The following GMEB2 variants were observed in gnomAD, a reference collection of about 807,000 sequenced individuals.
The protein encoded by GMEB2 is glucocorticoid modulatory element binding protein 2.
In GMEB2, 7 loss-of-function variants were observed where a neutral mutation model predicts 45.7. The ratio of observed to expected loss-of-function variants is 0.15; its 90% CI spans 0.09 to 0.29. The LOEUF (loss-of-function observed/expected upper bound fraction) is 0.29, where lower values mean the gene tolerates loss of function less well. GMEB2 is among the 10% of genes least tolerant of loss of function. The pLI is 1.00. For synonymous variants in GMEB2, 322 were observed against 323.6 expected, an observed-to-expected ratio of 1.00 and a Z score of 0.05; for missense variants, 582 against 739.2, an observed-to-expected ratio of 0.79 and a Z score of 2.47.
In GMEB2 at chr20:63,588,642, TG is replaced by T. The variant is rs2083115484; in HGVS notation, c.*1446del. 1 of 397,800 alleles carries T rather than the reference TG, an allele frequency of 2.5e-6. No individual in the cohort carries two copies. The highest frequency in any genetic ancestry group is 2.1e-5 in the African/African-American group (1 of 48,646). 24.6% of individuals were successfully genotyped at this position (397,800 alleles called of 1,614,324 possible). On this transcript the variant is annotated 3_prime_UTR_variant, in exon 10 of 10. Coordinates refer to ENST00000370077, the MANE Select transcript of GMEB2 (RefSeq NM_012384.5). ...CAGAGGTGGGGTCTGGGCCGCTCAC[TG>T]GACGGACAGCCAGCCAGTTCCCTTC...
In GMEB2 at chr20:63,590,032, G is replaced by A; in HGVS notation, c.*57C>T. 1 of 1,449,282 alleles carries A rather than the reference G, an allele frequency of 6.9e-7. No homozygotes were observed. Among genetic ancestry groups the A allele is most frequent in the Non-Finnish European group, 9.1e-7 (1 of 1,096,828 alleles). 89.8% of individuals were successfully genotyped at this position (1,449,282 alleles called of 1,614,324 possible). ...CTGCGGCCTCTGCCCGCTCCCTGCT[G>A]CCGCGGCTGAGAGACAGCCAGCCCT... On this transcript the variant is annotated 3_prime_UTR_variant, in exon 10 of 10. Coordinates refer to ENST00000370077, the MANE Select transcript of GMEB2 (RefSeq NM_012384.5).
chr20:63,614,772 G>A (rs958782028), intron 2 of GMEB2, among the ~76,000 whole-genome samples: 6 of 152,156 alleles, frequency 3.9e-5, no homozygotes, highest in Middle Eastern at 3.4e-3. Flanking sequence ...TGGCGTAAGC[G>A]GTCTCTCTCT....
intron 2 of GMEB2, among the ~76,000 whole-genome samples, chr20:63,605,153 C>T (rs1181691906): frequency 2.6e-5 from 4 of 151,972 alleles, no homozygotes; most frequent in Middle Eastern, 3.4e-3. Context: ...GTAGGAGAAC[C>T]GCTTGAACCT....
Position 63,604,732 on chromosome 20 carries a change from C to T in GMEB2, c.229+11G>A, listed in dbSNP as rs566082842. The T allele has an allele frequency of 9.9e-6, 15 of 1,520,840 alleles. No individual in the cohort carries two copies. Among genetic ancestry groups the T allele is most frequent in the African/African-American group, 4.1e-5 (3 of 73,374 alleles). 94.2% of individuals were successfully genotyped at this position (1,520,840 alleles called of 1,614,324 possible). ...AAGAAGGCAGACTTCCCACCTAGGA[C>T]GGCTTCCTACCTAACACGGCTTCCT... is the stretch of plus-strand genomic sequence containing the variant. On this transcript the variant is annotated intron_variant, in intron 3 of 9. Transcript: ENST00000370077.
intron 1 of GMEB2, among the ~76,000 whole-genome samples, chr20:63,625,243 T>C (rs906210563): frequency 2.0e-5 from 3 of 151,814 alleles, no homozygotes; most frequent in Non-Finnish European, 2.9e-5. Context: ...TGGCAAAATC[T>C]TGGCTCACTG....
chr20:63,598,951 C>A (rs148426024), intron 4 of GMEB2, among the ~76,000 whole-genome samples: 2 of 152,312 alleles, frequency 1.3e-5, no homozygotes, highest in East Asian at 1.9e-4. Context: ...CACCTCCCTG[C>A]CCCTCCTAGG....
chr20:63,619,491 T>A lies in GMEB2; in HGVS notation c.-57-37A>T. 1 of 1,289,532 alleles carries A rather than the reference T, an allele frequency of 7.8e-7. No homozygotes were observed. Among genetic ancestry groups the A allele is most frequent in the Non-Finnish European group, 1.1e-6 (1 of 925,510 alleles). 79.9% of individuals were successfully genotyped at this position (1,289,532 alleles called of 1,614,324 possible). On this transcript the variant is annotated intron_variant, in intron 1 of 9. Coordinates refer to ENST00000370077, the MANE Select transcript of GMEB2 (RefSeq NM_012384.5). This position sits in a 1 kb window ranked among gnomAD's most constrained non-coding sequence, Gnocchi z 4.6. Reference sequence around the variant, plus strand: ...AAGGCAGGGCACAGGGATGGAGTCATCTCCACATCCACACAACATAGCACT... The same window carrying A: ...AAGGCAGGGCACAGGGATGGAGTCAACTCCACATCCACACAACATAGCACT...
chr20:63,610,488 T>C (rs573712498), intron 2 of GMEB2, among the ~76,000 whole-genome samples: 2 of 152,022 alleles, frequency 1.3e-5, no homozygotes, highest in African/African-American at 4.8e-5. Context: ...GCCATTGCAC[T>C]CCAGTCTGGG....
intron 4 of GMEB2, among the ~76,000 whole-genome samples, 179 bp from the exon 5 acceptor site, chr20:63,598,039 G>A (rs1339944031): frequency 2.0e-5 from 3 of 152,162 alleles, no homozygotes; most frequent in Non-Finnish European, 4.4e-5. Context: ...CCACAGGCAC[G>A]GTGGCTGCAG....
chr20:63,624,726 G>A (rs1366136891), intron 1 of GMEB2, among the ~76,000 whole-genome samples: 1 of 152,072 alleles, frequency 6.6e-6, no homozygotes, highest in Non-Finnish European at 1.5e-5. Context: ...TTCTTTTTTT[G>A]AGACGGAGTC....
intron 2 of GMEB2, among the ~76,000 whole-genome samples, chr20:63,609,886 C>G (rs1256071074): frequency 1.1e-3 from 152 of 136,934 alleles, no homozygotes; most frequent in African/African-American, 2.7e-3. Context: ...ACATGCCCCT[C>G]TGACCCACAC....
intron 1 of GMEB2, among the ~76,000 whole-genome samples, chr20:63,620,041 G>A (rs971486959): frequency 6.6e-6 from 1 of 152,140 alleles, no homozygotes; most frequent in Non-Finnish European, 1.5e-5. Context: ...TCCACCTCCT[G>A]GGTTCAAGTG....
intron 2 of GMEB2, among the ~76,000 whole-genome samples, chr20:63,612,658 T>C (rs80136947): frequency 6.6e-6 from 1 of 152,176 alleles, no homozygotes. Flanking sequence ...AGGCCCACTT[T>C]CCTCTGCAAC....
chr20:63,613,432 C>T (rs1015454079), intron 2 of GMEB2, among the ~76,000 whole-genome samples: 1 of 152,206 alleles, frequency 6.6e-6, no homozygotes, highest in Non-Finnish European at 1.5e-5. Flanking sequence ...TGCCACCAGC[C>T]GGCAAGACAC....
At position 63,619,476 on chromosome 20, in the gene GMEB2, A is replaced by G. The variant is rs1252079286; in HGVS notation, c.-57-22T>C. The G allele has an allele frequency of 1.1e-5, 16 of 1,457,150 alleles. No homozygotes were observed. In the Admixed American group the frequency reaches 2.8e-4, roughly 26 times the overall value. 90.3% of individuals were successfully genotyped at this position (1,457,150 alleles called of 1,614,324 possible). A position where few individuals can be genotyped will look rare whatever the true frequency, so the allele number is the denominator to read the frequency against. ...AGTCCTGGAGGAAGCAAGGCAGGGCACAGGGATGGAGTCATCTCCACATCC... is the reference window on the plus strand; with the variant it reads ...AGTCCTGGAGGAAGCAAGGCAGGGCGCAGGGATGGAGTCATCTCCACATCC... On this transcript the variant is annotated intron_variant, in intron 1 of 9. Coordinates refer to ENST00000370077, the MANE Select transcript of GMEB2 (RefSeq NM_012384.5). This position sits in a 1 kb window ranked among gnomAD's most constrained non-coding sequence, Gnocchi z 4.6.
At chr20:63,624,669 A>C (rs1263544820) in intron 1 of GMEB2, among the ~76,000 whole-genome samples, 1 of 152,226 alleles carries the variant, frequency 6.6e-6, no homozygotes. Context: ...GTACACGCAC[A>C]AAACTGAATT....
chr20:63,607,133 C>T (rs1179547918), intron 2 of GMEB2, among the ~76,000 whole-genome samples: 1 of 149,504 alleles, frequency 6.7e-6, no homozygotes, highest in Non-Finnish European at 1.5e-5. Flanking sequence ...GCACATATGA[C>T]CCACAAGTCC....
At chr20:63,596,355 G>C (rs1037500469) in intron 5 of GMEB2, among the ~76,000 whole-genome samples, 3 of 152,222 alleles carry the variant, frequency 2.0e-5, no homozygotes, top group Admixed American at 6.5e-5. Context: ...TGCCTCTCCG[G>C]AGGTCCAGGG....
chr20:63,610,361 A>G (rs113048611), intron 2 of GMEB2, among the ~76,000 whole-genome samples: 15,562 of 152,134 alleles, frequency 0.1, 921 homozygotes, highest in African/African-American at 0.12. Context: ...CTCTACTAAA[A>G]ATACAAAAAA....
Sources: allele counts gnomAD v4.1 joint callset (sites outside exome capture counted in the v4.1 genomes callset), GRCh38; gene constraint gnomAD v4.1.1; non-coding constraint Gnocchi (gnomAD v3.1); transcripts MANE v1.5; gene names NCBI Gene and HGNC (gene_info 2026-07-23, HGNC 2026-07-21).